Variants in DMD observed in about 807,000 individuals in gnomAD.
The protein encoded by DMD is mutant dystrophin.
A neutral mutation model predicts 330.1 loss-of-function variants in DMD; 63 were observed. That is an observed-to-expected ratio of 0.19 (90% CI 0.16 to 0.24). The LOEUF (loss-of-function observed/expected upper bound fraction) is 0.24. Ranked by LOEUF, DMD falls within the 10% of genes least tolerant of loss-of-function variation. The probability of loss-of-function intolerance (pLI) is 1.00; values close to 1 mark genes in which losing one functional copy is unlikely to be tolerated. For missense variants in DMD, 3,344 were observed against 2,684.1 expected, an observed-to-expected ratio of 1.25 and a Z score of -5.43; for synonymous variants, 1,223 against 959.8, an observed-to-expected ratio of 1.27 and a Z score of -5.07.
intron 1 of DMD, among the ~76,000 whole-genome samples, chrX:33,182,656 GAAGAGTAGAAAAAAAACTCCAT>G (rs1325815136): frequency 3.6e-5 from 4 of 111,301 alleles, no homozygotes; most frequent in Non-Finnish European, 7.5e-5. Context: ...AAAGAAAAAG[GAAGAGTAGAAAAAAAACTCCAT>G]AACTGATACT....
At chrX:31,236,607 T>C (rs1190295093) in intron 63 of DMD, among the ~76,000 whole-genome samples, 1 of 112,424 alleles carries the variant, frequency 8.9e-6, no homozygotes, top group Non-Finnish European at 1.9e-5. Flanking sequence ...GCAAAGTGTT[T>C]AGCCATTTGT....
chrX:32,036,830 G>A (rs775944501), intron 44 of DMD, among the ~76,000 whole-genome samples: 1 of 111,634 alleles, frequency 9.0e-6, no homozygotes, highest in South Asian at 3.8e-4. Flanking sequence ...AATTCACAAA[G>A]GAGTTAAGAG....
At chrX:32,662,966 CA>C (rs1430174120) in intron 9 of DMD, among the ~76,000 whole-genome samples, 1 of 112,108 alleles carries the variant, frequency 8.9e-6, no homozygotes, top group Non-Finnish European at 1.9e-5. Flanking sequence ...CAACAGACCT[CA>C]AAGTCCTTTG....
At chrX:31,871,910 A>C (rs2149665058) in intron 48 of DMD, among the ~76,000 whole-genome samples, 1 of 93,287 alleles carries the variant, frequency 1.1e-5, no homozygotes, top group South Asian at 5.4e-4. Context: ...AATCAGAAAA[A>C]CTGTGCAATC....
intron 2 of DMD, among the ~76,000 whole-genome samples, chrX:32,893,004 T>G (rs1277183319): frequency 8.9e-6 from 1 of 111,965 alleles, no homozygotes; most frequent in Non-Finnish European, 1.9e-5. Flanking sequence ...TCATGTATCA[T>G]TAGGGAGTAG....
chrX:33,195,664 T>C (rs1398462664), intron 1 of DMD, among the ~76,000 whole-genome samples: 2 of 110,955 alleles, frequency 1.8e-5, no homozygotes, highest in African/African-American at 6.5e-5. Context: ...AGATTTATAA[T>C]TTTTACAATA....
chrX:32,781,426 T>C (rs2074748800), intron 7 of DMD, among the ~76,000 whole-genome samples: 1 of 112,186 alleles, frequency 8.9e-6, no homozygotes, highest in African/African-American at 3.2e-5. Flanking sequence ...TAAACAGTAT[T>C]GAATAAAACA....
intron 44 of DMD, among the ~76,000 whole-genome samples, chrX:31,970,253 A>T (rs1161733448): frequency 9.1e-6 from 1 of 110,465 alleles, no homozygotes; most frequent in East Asian, 2.9e-4. Flanking sequence ...GAATGGAGGA[A>T]GAAAAGAAGG....
At chrX:31,177,660 T>C (rs1337552148) in intron 71 of DMD, among the ~76,000 whole-genome samples, 3 of 110,793 alleles carry the variant, frequency 2.7e-5, no homozygotes, top group African/African-American at 6.6e-5. Flanking sequence ...TCTTTGATTA[T>C]AATTTGAATT....
chrX:32,883,131 A>C (rs2084121208), intron 2 of DMD, among the ~76,000 whole-genome samples: 1 of 112,012 alleles, frequency 8.9e-6, no homozygotes, highest in African/African-American at 3.2e-5. Flanking sequence ...TCATAATGTC[A>C]GCCAATCCAC....
At chrX:33,064,615 G>A (rs2094625385) in intron 1 of DMD, among the ~76,000 whole-genome samples, 2 of 111,914 alleles carry the variant, frequency 1.8e-5, no homozygotes, top group African/African-American at 3.2e-5. Context: ...ATGGCCAGAC[G>A]CGGTGGCTCA....
intron 7 of DMD, among the ~76,000 whole-genome samples, chrX:32,795,655 G>A (rs2076129905): frequency 8.9e-6 from 1 of 111,832 alleles, no homozygotes; most frequent in South Asian, 3.7e-4. Context: ...AACAAAGGAA[G>A]GATTCAACAG....
chrX:32,084,014 A>G (rs781774592), intron 44 of DMD, among the ~76,000 whole-genome samples: 2 of 112,347 alleles, frequency 1.8e-5, no homozygotes, highest in Non-Finnish European at 3.8e-5. Context: ...TGTAACCTCA[A>G]CCTTAAATTC....
intron 45 of DMD, among the ~76,000 whole-genome samples, chrX:31,959,026 G>T (rs2095274378): frequency 9.0e-6 from 1 of 111,240 alleles, no homozygotes; most frequent in African/African-American, 3.3e-5. Flanking sequence ...TCCTAGAATT[G>T]TCCCTTCATT....
chrX:31,156,877 G>A (rs10521963), intron 74 of DMD, among the ~76,000 whole-genome samples: 6,093 of 111,414 alleles, frequency 0.055, 276 homozygotes, highest in African/African-American at 0.13. Flanking sequence ...TAATCACTCA[G>A]TATTTGTCCT....
At chrX:32,224,082 G>C (rs1156373209) in intron 43 of DMD, among the ~76,000 whole-genome samples, 1 of 110,823 alleles carries the variant, frequency 9.0e-6, no homozygotes, top group African/African-American at 3.3e-5. Context: ...AGATTTGTAG[G>C]AATTCTTTAT....
chrX:32,018,192 G>A (rs967094115), intron 44 of DMD, among the ~76,000 whole-genome samples: 21 of 111,329 alleles, frequency 1.9e-4, no homozygotes, highest in Non-Finnish European at 3.8e-4. Flanking sequence ...AATACTGTTC[G>A]ATCTAATTGT....
intron 1 of DMD, among the ~76,000 whole-genome samples, chrX:33,252,605 G>C (rs1295164080): frequency 9.5e-6 from 1 of 105,173 alleles, no homozygotes; most frequent in Non-Finnish European, 1.9e-5. Flanking sequence ...TAGGGGATTT[G>C]GGGTTGAATG....
chrX:32,059,508 T>C (rs1222716231), intron 44 of DMD, among the ~76,000 whole-genome samples: 1 of 112,022 alleles, frequency 8.9e-6, no homozygotes. Context: ...GAAATAGATA[T>C]TAAGTTGATA....
Sources: gnomAD v4.1 joint callset for allele counts (sites outside exome capture counted in the v4.1 genomes callset) on GRCh38, gnomAD v4.1.1 for gene constraint, MANE v1.5 for transcripts, NCBI Gene and HGNC (gene_info 2026-07-23, HGNC 2026-07-21) for gene names.